PCDHGA3: variants seen among roughly 807,000 people sequenced by gnomAD.
The protein encoded by PCDHGA3 is protocadherin gamma-A3.
A neutral mutation model predicts 58.5 loss-of-function variants in PCDHGA3; 40 were observed. The ratio of observed to expected loss-of-function variants is 0.68; its 90% confidence interval spans 0.53 to 0.89. The LOEUF (loss-of-function observed/expected upper bound fraction) is 0.89, where lower values mean the gene tolerates loss of function less well. PCDHGA3 is among the 40% of genes least tolerant of loss of function. The probability of loss-of-function intolerance (pLI) is 0.00; values close to 1 mark genes in which losing one functional copy is unlikely to be tolerated. For synonymous variants in PCDHGA3, 530 were observed against 525.7 expected (o/e 1.01, Z -0.11); for missense variants, 1,223 against 1,195.9 (o/e 1.02, Z -0.33).
intron 1 of PCDHGA3, chr5:141,421,778 G>C (rs756566609): frequency 6.2e-7 from 1 of 1,613,844 alleles, no homozygotes; most frequent in Non-Finnish European, 8.5e-7. Context: ...TTGCAACTGC[G>C]GGGCAGAACG....
intron 1 of PCDHGA3, chr5:141,388,609 T>G: frequency 6.2e-7 from 1 of 1,613,926 alleles, no homozygotes; most frequent in Non-Finnish European, 8.5e-7. Context: ...GCTCCAGTGT[T>G]CAGTCAAGAC....
In PCDHGA3 at chr5:141,489,597, A is replaced by G; in HGVS notation, c.2425-5210A>G. 6.2e-7 allele frequency: 1 copy of G among 1,614,100 alleles called. No individual in the cohort carries two copies. The highest frequency in any genetic ancestry group is 1.3e-5 in the African/African-American group (1 of 75,040). ...AACACCCCCTGGAGCTAATCCGTGTAGAGGTAGAGATCCTGGATCTCAATG... is the reference window on the plus strand; with the variant it reads ...AACACCCCCTGGAGCTAATCCGTGTGGAGGTAGAGATCCTGGATCTCAATG... On this transcript the variant is annotated intron_variant, in intron 1 of 3. Transcript: ENST00000253812. The surrounding 1 kb of genome is among the most constrained non-coding windows in gnomAD (Gnocchi z 4.5).
chr5:141,405,621 C>T lies in PCDHGA3; in HGVS notation c.2424+59164C>T, dbSNP rs2094693815. 9.2e-6 allele frequency: 5 copies of T among 543,194 alleles called. No individual in the cohort carries two copies. In the South Asian group the frequency reaches 1.0e-4, roughly 11 times the overall value. 33.6% of individuals were successfully genotyped at this position (543,194 alleles called of 1,614,324 possible). ...AGTAGAATAACTGGGACTACAGGCA[C>T]GTGCCACCACGCCCGGCTAATTTTT... On this transcript the variant is annotated intron_variant, in intron 1 of 3. Coordinates refer to ENST00000253812, the MANE Select transcript of PCDHGA3 (RefSeq NM_018916.4).
At chr5:141,352,775 AG>A in intron 1 of PCDHGA3, 2 of 1,188,828 alleles carry the variant, frequency 1.7e-6, no homozygotes, top group Non-Finnish European at 2.3e-6. Flanking sequence ...GGATCACTTG[AG>A]GTCAGGAGTT....
In PCDHGA3 at chr5:141,505,352, C is replaced by T. The variant is rs371829394; in HGVS notation, c.2484-41C>T. 1.5e-5 allele frequency: 25 copies of T among 1,613,302 alleles called. No individual in the cohort carries two copies. In the South Asian group the frequency reaches 2.7e-4, roughly 18 times the overall value. ...AGGACAGGAGGGGCATGAGCTGTGCCGGCCTGGGAGTCTGTGCTCACCATC... is the reference window on the plus strand; with the variant it reads ...AGGACAGGAGGGGCATGAGCTGTGCTGGCCTGGGAGTCTGTGCTCACCATC... On this transcript the variant is annotated intron_variant, in intron 2 of 3. Transcript: ENST00000253812.
chr5:141,348,977 A>G (rs1161921022), intron 1 of PCDHGA3, among the ~76,000 whole-genome samples: 2 of 152,176 alleles, frequency 1.3e-5, no homozygotes, highest in Admixed American at 6.5e-5. Flanking sequence ...TTGGGTGTCT[A>G]AGAACTCTGA....
At chr5:141,425,686 A>C (rs1026122573) in intron 1 of PCDHGA3, among the ~76,000 whole-genome samples, 4 of 152,252 alleles carry the variant, frequency 2.6e-5, no homozygotes, top group Non-Finnish European at 5.9e-5. Context: ...AATACTGCAT[A>C]TCATTTCATA....
chr5:141,360,168 G>A (rs1224518135), intron 1 of PCDHGA3: 2 of 1,608,034 alleles, frequency 1.2e-6, no homozygotes, highest in East Asian at 2.2e-5. Context: ...GCGGGCTGGT[G>A]CGGTGGCTGC....
rs779193571 is a variant in PCDHGA3, at chr5:141,362,099, C to G, written c.2424+15642C>G. 1.4e-5 allele frequency: 23 copies of G among 1,613,768 alleles called. No individual in the cohort carries two copies. The African/African-American group carries it at 2.9e-4, about 21-fold the overall frequency. ...CGTGATGGAGGACAGCCGCCACTCT[C>G]CGCTACGGCCACGCTGCACCTAATC... On this transcript the variant is annotated intron_variant, in intron 1 of 3. Coordinates refer to ENST00000253812, the MANE Select transcript of PCDHGA3 (RefSeq NM_018916.4).
intron 1 of PCDHGA3, chr5:141,366,035 A>G (rs1376798925): frequency 1.2e-6 from 2 of 1,614,210 alleles, no homozygotes; most frequent in Admixed American, 1.7e-5. Flanking sequence ...CGCCCTCCCC[A>G]CAGACGGTTC....
intron 1 of PCDHGA3, chr5:141,350,494 C>G (rs764659811): frequency 6.2e-7 from 1 of 1,613,806 alleles, no homozygotes; most frequent in African/African-American, 1.3e-5. Flanking sequence ...GTTTGGAGAG[C>G]GGGGATTTGT....
chr5:141,408,144 G>T (rs868032463), intron 1 of PCDHGA3: 1 of 1,496,068 alleles, frequency 6.7e-7, no homozygotes, highest in South Asian at 1.3e-5. Context: ...CTTTTAGCGC[G>T]GTAGAGTGCA....
At position 141,403,421 on chromosome 5, in the gene PCDHGA3, G is replaced by A. The variant is rs773369451; in HGVS notation, c.2424+56964G>A. ...TGGAGCACGTTATCCACTTCCAGAA[G>A]CTATTGATCCGGATGTTGGCGTGAA... On this transcript the variant is annotated intron_variant, in intron 1 of 3. Coordinates refer to ENST00000253812, the MANE Select transcript of PCDHGA3 (RefSeq NM_018916.4). 11 of 1,614,038 alleles carry A rather than the reference G, an allele frequency of 6.8e-6. No individual in the cohort carries two copies. In the East Asian group the frequency reaches 2.5e-4, roughly 36 times the overall value.
At chr5:141,433,103 C>T (rs762225174) in intron 1 of PCDHGA3, 3 of 1,614,126 alleles carry the variant, frequency 1.9e-6, no homozygotes, top group Non-Finnish European at 2.5e-6. Flanking sequence ...GCTCGTCAGC[C>T]AGGAGAGCTT....
intron 1 of PCDHGA3, chr5:141,371,186 G>A (rs779475479): frequency 1.9e-6 from 3 of 1,614,028 alleles, no homozygotes; most frequent in Non-Finnish European, 8.5e-7. Flanking sequence ...TATTAAAAGT[G>A]ATGGCCATTG....
At position 141,431,542 on chromosome 5, in the gene PCDHGA3, G is replaced by C; in HGVS notation, c.2425-63265G>C. On this transcript the variant is annotated intron_variant, in intron 1 of 3. Coordinates refer to ENST00000253812, the MANE Select transcript of PCDHGA3 (RefSeq NM_018916.4). The surrounding 1 kb of genome is among the most constrained non-coding windows in gnomAD (Gnocchi z 4.8). ...AGAATCTGGCCTTGGGCACGCAGCT[G>C]CTTGTAGTCAACGCTACCGACCCTG... The C allele has an allele frequency of 1.9e-6, 3 of 1,614,124 alleles. No homozygotes were observed. The highest frequency in any genetic ancestry group is 1.1e-5 in the South Asian group (1 of 91,086).
intron 1 of PCDHGA3, among the ~76,000 whole-genome samples, chr5:141,401,115 G>C (rs923480761): frequency 5.9e-5 from 9 of 151,974 alleles, no homozygotes; most frequent in African/African-American, 1.7e-4. Context: ...AGGCCGAGGC[G>C]GTTGGATCAC....
rs1011731430 is a variant in PCDHGA3, at chr5:141,489,676, G to A, written c.2425-5131G>A. 6.2e-7 allele frequency: 1 copy of A among 1,614,158 alleles called. No individual in the cohort carries two copies. The highest frequency in any genetic ancestry group is 8.5e-7 in the Non-Finnish European group (1 of 1,180,008). On this transcript the variant is annotated intron_variant, in intron 1 of 3. Coordinates refer to ENST00000253812, the MANE Select transcript of PCDHGA3 (RefSeq NM_018916.4). This position sits in a 1 kb window ranked among gnomAD's most constrained non-coding sequence, Gnocchi z 4.5. ...GCGAGAGATGCGCATCTCAGAATCAGCAGCATCTGGGGCACGATTCCCACT... is the reference window on the plus strand; with the variant it reads ...GCGAGAGATGCGCATCTCAGAATCAACAGCATCTGGGGCACGATTCCCACT...
In PCDHGA3 at chr5:141,490,537, T is replaced by C; in HGVS notation, c.2425-4270T>C. On this transcript the variant is annotated intron_variant, in intron 1 of 3. Transcript: ENST00000253812. This position sits in a 1 kb window ranked among gnomAD's most constrained non-coding sequence, Gnocchi z 5.4. ...GCTGGCCAGCGATGCTGGTTCACCT[T>C]CCCTACACAAACATCTCACCATCAG... is the stretch of plus-strand genomic sequence containing the variant. 1.9e-6 allele frequency: 3 copies of C among 1,614,180 alleles called. No homozygotes were observed. The highest frequency in any genetic ancestry group is 8.5e-7 in the Non-Finnish European group (1 of 1,180,028).
Sources: gnomAD v4.1 joint callset for allele counts (sites outside exome capture counted in the v4.1 genomes callset) on GRCh38, gnomAD v4.1.1 for gene constraint, Gnocchi (gnomAD v3.1) non-coding constraint, MANE v1.5 for transcripts, NCBI Gene and HGNC (gene_info 2026-07-23, HGNC 2026-07-21) for gene names.